LMX1A: variants seen among roughly 807,000 people sequenced by gnomAD.
The protein encoded by LMX1A is LIM homeobox transcription factor 1-alpha.
In LMX1A, 15 loss-of-function variants were observed where a neutral mutation model predicts 49.1. The observed-to-expected ratio is 0.31, with a 90% CI of 0.20 to 0.47. The LOEUF (loss-of-function observed/expected upper bound fraction) is 0.47, where lower values mean the gene tolerates loss of function less well. LMX1A is among the 20% of genes least tolerant of loss of function. LMX1A has a pLI of 1.00. For synonymous variants in LMX1A, 167 were observed against 185.7 expected (o/e 0.90, Z 0.82); for missense variants, 372 against 475.8 (o/e 0.78, Z 2.03).
chr1:165,237,131 C>T (rs1652478763), intron 4 of LMX1A, among the ~76,000 whole-genome samples: 1 of 152,208 alleles, frequency 6.6e-6, no homozygotes, highest in Admixed American at 6.5e-5. Context: ...AAATGCTCAG[C>T]AAATTCCTAT....
At chr1:165,346,472 CT>C (rs1423217772) in intron 3 of LMX1A, among the ~76,000 whole-genome samples, 1 of 152,234 alleles carries the variant, frequency 6.6e-6, no homozygotes, top group African/African-American at 2.4e-5. Context: ...TAAATTCTAG[CT>C]AATCTGTGCA....
At chr1:165,343,906 A>G (rs1258588456) in intron 3 of LMX1A, among the ~76,000 whole-genome samples, 1 of 152,238 alleles carries the variant, frequency 6.6e-6, no homozygotes, top group Non-Finnish European at 1.5e-5. Flanking sequence ...GTTAAAAAGT[A>G]TCTTCAGAAG....
At chr1:165,225,835 CCCCACCCCTACACT>C (rs907016093) in intron 4 of LMX1A, among the ~76,000 whole-genome samples, 1 of 152,182 alleles carries the variant, frequency 6.6e-6, no homozygotes, top group African/African-American at 2.4e-5. Flanking sequence ...CTCTCTCTTT[CCCCACCCCTACACT>C]CCCACCCCTG....
At chr1:165,215,270 C>T (rs1369425132) in intron 4 of LMX1A, among the ~76,000 whole-genome samples, 6 of 152,150 alleles carry the variant, frequency 3.9e-5, no homozygotes, top group South Asian at 4.1e-4. Context: ...GCCGAGATCA[C>T]GCCACTGTAC....
At chr1:165,265,528 A>G (rs1653595784) in intron 3 of LMX1A, among the ~76,000 whole-genome samples, 1 of 152,138 alleles carries the variant, frequency 6.6e-6, no homozygotes, top group Non-Finnish European at 1.5e-5. Context: ...GGAAGAAGAG[A>G]CTTCTCTGGC....
At chr1:165,283,711 A>C (rs1013006518) in intron 3 of LMX1A, among the ~76,000 whole-genome samples, 5 of 152,202 alleles carry the variant, frequency 3.3e-5, no homozygotes, top group Non-Finnish European at 7.3e-5. Flanking sequence ...GAGTAGAGAA[A>C]CCATGTCTGA....
intron 4 of LMX1A, among the ~76,000 whole-genome samples, chr1:165,247,054 C>CTTGTTTTTTTTTT (rs1652875442): frequency 1.9e-5 from 1 of 53,228 alleles, no homozygotes; most frequent in Non-Finnish European, 3.3e-5. Context: ...TCAGCTTTTT[C>CTTGTTTTTTTTTT]TTTTTTTTTT....
At chr1:165,239,089 T>A (rs5014628) in intron 4 of LMX1A, among the ~76,000 whole-genome samples, 152,103 of 152,348 alleles carry the variant, frequency 1, 75,929 homozygotes, top group Middle Eastern at 1. Flanking sequence ...GATGTGATCA[T>A]TTTCCCATTT....
chr1:165,293,758 T>C (rs1434538466), intron 3 of LMX1A, among the ~76,000 whole-genome samples: 2 of 152,174 alleles, frequency 1.3e-5, no homozygotes, highest in East Asian at 1.9e-4. Context: ...TGTGTCTTCA[T>C]AGAGTGGAAG....
intron 6 of LMX1A, among the ~76,000 whole-genome samples, chr1:165,208,702 A>C (rs964839995): frequency 6.6e-6 from 1 of 151,742 alleles, no homozygotes; most frequent in African/African-American, 2.4e-5. Flanking sequence ...GCTGGAGTGC[A>C]GTGGCGCGAT....
intron 6 of LMX1A, among the ~76,000 whole-genome samples, chr1:165,208,932 C>T (rs1250986428): frequency 2.6e-5 from 4 of 152,220 alleles, no homozygotes; most frequent in Non-Finnish European, 5.9e-5. Context: ...CAAGCGTGAG[C>T]CACCACGCCC....
intron 3 of LMX1A, among the ~76,000 whole-genome samples, chr1:165,310,619 T>G (rs2101733374): frequency 6.6e-6 from 1 of 152,370 alleles, no homozygotes; most frequent in Non-Finnish European, 1.5e-5. Context: ...GGGGTGGAGA[T>G]GCAGATGTTG....
chr1:165,240,281 A>C (rs191563195), intron 4 of LMX1A, among the ~76,000 whole-genome samples: 3 of 152,018 alleles, frequency 2.0e-5, no homozygotes. Context: ...TTCTTCACAA[A>C]TATGTTTAGC....
chr1:165,320,046 A>G (rs2101742851), intron 3 of LMX1A, among the ~76,000 whole-genome samples: 1 of 152,262 alleles, frequency 6.6e-6, no homozygotes, highest in South Asian at 2.1e-4. Context: ...AGTAAGGAAC[A>G]TTTGTTTTCT....
chr1:165,326,897 A>C (rs1052898370), intron 3 of LMX1A, among the ~76,000 whole-genome samples: 2 of 152,218 alleles, frequency 1.3e-5, no homozygotes, highest in Non-Finnish European at 2.9e-5. Context: ...AGAGCCAGGG[A>C]TGCTGCTAAA....
At chr1:165,209,550 AT>A (rs1189998907) in intron 6 of LMX1A, among the ~76,000 whole-genome samples, 1 of 152,228 alleles carries the variant, frequency 6.6e-6, no homozygotes, top group East Asian at 1.9e-4. Flanking sequence ...TCATGCCTAC[AT>A]TATGAAACCT....
chr1:165,355,531 T>C lies in LMX1A; in HGVS notation c.29A>G (p.Asn10Ser), dbSNP rs778856802. 3.1e-6 allele frequency: 5 copies of C among 1,613,714 alleles called. No homozygotes were observed. In the East Asian group the frequency reaches 8.9e-5, roughly 29 times the overall value. The change falls in exon 2 of 9, where the codon AAC becomes AGC. Residue 10 changes from asparagine (N) to serine (S), a missense_variant. Physicochemically the swap from Asn to Ser is conservative, Grantham distance 46. Coordinates refer to ENST00000342310, the MANE Select transcript of LMX1A (RefSeq NM_177398.4). The surrounding 1 kb of genome is among the most constrained non-coding windows in gnomAD (Gnocchi z 4.7). ...CGAGGTGTCGATCGCGCTTTGGAAG[T>C]TCTCCTCCATCTTTAGGCCGTCCAG... is the stretch of plus-strand genomic sequence containing the variant. MLDGLKMEE[N>S]FQSAIDTSAS... is the part of the protein sequence containing the mutation.
At chr1:165,325,155 A>G (rs969256261) in intron 3 of LMX1A, among the ~76,000 whole-genome samples, 2 of 152,214 alleles carry the variant, frequency 1.3e-5, no homozygotes, top group Admixed American at 6.5e-5. Flanking sequence ...TCACAACATC[A>G]TCATGTTGGT....
chr1:165,225,231 A>C (rs1651991700), intron 4 of LMX1A, among the ~76,000 whole-genome samples: 1 of 152,224 alleles, frequency 6.6e-6, no homozygotes, highest in Non-Finnish European at 1.5e-5. Context: ...CCAGCTGAGA[A>C]ATCTTGGACA....
Sources: gnomAD v4.1 joint callset for allele counts (sites outside exome capture counted in the v4.1 genomes callset) on GRCh38, gnomAD v4.1.1 for gene constraint, Gnocchi (gnomAD v3.1) non-coding constraint, MANE v1.5 for transcripts, NCBI Gene and HGNC (gene_info 2026-07-23, HGNC 2026-07-21) for gene names.